RHOXF1: variants seen among roughly 807,000 people sequenced by gnomAD.
RHOXF1 encodes PEPP subfamily gene 1.
Under a neutral mutation model 9.7 loss-of-function variants are expected in RHOXF1, and 1 was observed. That is an observed-to-expected ratio of 0.10 (90% CI 0.04 to 0.49). The LOEUF is 0.49. RHOXF1 is among the 20% of genes least tolerant of loss of function. The probability of loss-of-function intolerance (pLI) is 0.95; values close to 1 mark genes in which losing one functional copy is unlikely to be tolerated. For synonymous variants in RHOXF1, 72 were observed against 70.2 expected (o/e 1.03, Z -0.13); for missense variants, 179 against 168.0 (o/e 1.07, Z -0.36).
At chrX:120,113,458 T>A (rs2057279773) in intron 1 of RHOXF1, among the ~76,000 whole-genome samples, 1 of 109,166 alleles carries the variant, frequency 9.2e-6, no homozygotes, top group South Asian at 4.1e-4. Context: ...TATTATTATT[T>A]TTATTATTAT....
chrX:120,112,389 T>TG (rs1178239829), intron 2 of RHOXF1, among the ~76,000 whole-genome samples: 1 of 53,098 alleles, frequency 1.9e-5, no homozygotes, highest in African/African-American at 4.5e-5. Context: ...CATATATGTA[T>TG]ATATGTATGA....
upstream of RHOXF1, chrX:120,117,550 C>T (rs2057302103): frequency 9.1e-6 from 1 of 109,322 alleles, no homozygotes; most frequent in African/African-American, 3.3e-5. Flanking sequence ...ATATGCAGAC[C>T]CTTTGAGTCT....
intron 2 of RHOXF1, among the ~76,000 whole-genome samples, chrX:120,110,830 T>A (rs1183831339): frequency 8.9e-6 from 1 of 112,191 alleles, no homozygotes; most frequent in Non-Finnish European, 1.9e-5. Flanking sequence ...CACGTCTTTT[T>A]CACTTTCCCA....
Position 120,112,922 on chromosome X carries a change from GAGA to G in RHOXF1, c.399-11_399-9del, listed in dbSNP as rs1320081404. 8.7e-7 allele frequency: 1 copy of G among 1,155,796 alleles called. No homozygotes were observed. Among genetic ancestry groups the G allele is most frequent in the Admixed American group, 2.2e-5 (1 of 45,568 alleles). On this transcript the variant is annotated splice_polypyrimidine_tract_variant and intron_variant, in intron 1 of 2. Coordinates refer to ENST00000217999, the MANE Select transcript of RHOXF1 (RefSeq NM_139282.3). Reference sequence around the variant, plus strand: ...TTTTCGGCAAGTTCCCTTCTGTGGAGAGAAGATCACACATGGTTAGTATTCAAA... The same window carrying G: ...TTTTCGGCAAGTTCCCTTCTGTGGAGAGATCACACATGGTTAGTATTCAAA...
At chrX:120,110,188 T>A (rs1430116725) in intron 2 of RHOXF1, among the ~76,000 whole-genome samples, 2 of 111,904 alleles carry the variant, frequency 1.8e-5, no homozygotes, top group African/African-American at 3.2e-5. Context: ...AAGAGCGCAC[T>A]GGAATTTTAG....
At chrX:120,120,032 C>T (rs142770221), upstream of RHOXF1, among the ~76,000 whole-genome samples, 374 of 111,125 alleles carry the variant, frequency 3.4e-3, 2 homozygotes, top group African/African-American at 0.011. Context: ...AGACCAATAT[C>T]ATAGTATGTT....
chrX:120,112,375 C>CATACATATATGTATATATGTATGATATAT (rs2057268418), intron 2 of RHOXF1, among the ~76,000 whole-genome samples: 38 of 96,295 alleles, frequency 3.9e-4, no homozygotes, highest in Admixed American at 5.9e-4. Context: ...TTATTGGATA[C>CATACATATATGTATATATGTATGATATAT]ATACATATAT....
intron 1 of RHOXF1, 136 bp downstream of exon 1, chrX:120,115,329 T>C (rs2057288433): frequency 2.4e-6 from 1 of 422,136 alleles, no homozygotes; most frequent in South Asian, 1.1e-4. Context: ...GAGGTAAATA[T>C]CCCCCTCCAC....
intron 1 of RHOXF1, 69 bp downstream of exon 1, chrX:120,115,396 G>A: frequency 1.0e-6 from 1 of 970,282 alleles, no homozygotes; most frequent in Non-Finnish European, 1.4e-6. Flanking sequence ...ATTGGGTGGG[G>A]CAAGGGAGAG....
At chrX:120,113,194 T>G (rs1436091265) in intron 1 of RHOXF1, among the ~76,000 whole-genome samples, 1 of 110,239 alleles carries the variant, frequency 9.1e-6, no homozygotes, top group African/African-American at 3.3e-5. Context: ...TAGGCTGGAG[T>G]GCAGTGGTGT....
At chrX:120,120,410 C>T (rs782648035), upstream of RHOXF1, 6 of 112,101 alleles carry the variant, frequency 5.4e-5, no homozygotes, top group East Asian at 1.1e-3. Flanking sequence ...GCAGTGTAAA[C>T]ATTAACATTC....
At chrX:120,116,046 G>A (rs782027979), upstream of RHOXF1, 6 of 112,539 alleles carry the variant, frequency 5.3e-5, no homozygotes, top group African/African-American at 5.9e-4. Flanking sequence ...GTTGGGGGGT[G>A]CGGGTGGGGA....
chrX:120,116,841 C>G (rs1257823161), upstream of RHOXF1, among the ~76,000 whole-genome samples: 2 of 111,387 alleles, frequency 1.8e-5, no homozygotes, highest in Non-Finnish European at 3.8e-5. Context: ...ATATCTTTGG[C>G]TATGCAAGAG....
upstream of RHOXF1, chrX:120,119,578 G>A (rs1356848978): frequency 8.9e-6 from 1 of 111,981 alleles, no homozygotes; most frequent in Non-Finnish European, 1.9e-5. Flanking sequence ...AGAAAACACC[G>A]GGGTACACTG....
rs2057253145 is a variant in RHOXF1, at chrX:120,109,051, T to C, written c.*141A>G. On this transcript the variant is annotated 3_prime_UTR_variant, in exon 3 of 3. Transcript: ENST00000217999. ...CACAATTGGCACACAAAAACAAATA[T>C]ATTGAGAATTTGCCTCTTTATTGAT... The C allele has an allele frequency of 1.1e-5, 4 of 363,381 alleles. No homozygotes were observed. The East Asian group carries it at 1.2e-4, about 11-fold the overall frequency. 29.9% of individuals were successfully genotyped at this position (363,381 alleles called of 1,213,427 possible).
At chrX:120,111,686 C>T (rs1051419514) in intron 2 of RHOXF1, among the ~76,000 whole-genome samples, 1 of 111,674 alleles carries the variant, frequency 9.0e-6, no homozygotes, top group Admixed American at 9.5e-5. Flanking sequence ...AAAGTACCAC[C>T]AAAAAGAAAT....
upstream of RHOXF1, among the ~76,000 whole-genome samples, chrX:120,117,454 A>T (rs946385904): frequency 2.7e-5 from 3 of 111,375 alleles, no homozygotes; most frequent in Non-Finnish European, 5.7e-5. Context: ...ATTTTTAAAA[A>T]TTTTATTTTT....
chrX:120,118,198 G>A (rs573290560), upstream of RHOXF1, among the ~76,000 whole-genome samples: 57 of 112,029 alleles, frequency 5.1e-4, no homozygotes, highest in African/African-American at 1.8e-3. Context: ...GCGATGAAGT[G>A]CAGAGTCTAT....
At chrX:120,118,880 A>G (rs1347701397), upstream of RHOXF1, among the ~76,000 whole-genome samples, 2 of 111,605 alleles carry the variant, frequency 1.8e-5, no homozygotes, top group African/African-American at 6.5e-5. Flanking sequence ...TTGCTCTGGT[A>G]TCTAGGAATA....
Sources: allele counts gnomAD v4.1 joint callset (sites outside exome capture counted in the v4.1 genomes callset), GRCh38; gene constraint gnomAD v4.1.1; transcripts MANE v1.5; gene names NCBI Gene and HGNC (gene_info 2026-07-23, HGNC 2026-07-21).